Variants in DLGAP1 observed in about 807,000 individuals in gnomAD.
DLGAP1 encodes the protein disks large-associated protein 1.
DLGAP1 carries 11 observed loss-of-function variants against 90.8 expected under a neutral mutation model. The ratio of observed to expected loss-of-function variants is 0.12; its 90% CI spans 0.08 to 0.20. DLGAP1 has a LOEUF of 0.20. DLGAP1 is among the 10% of genes least tolerant of loss of function. The pLI, the probability that DLGAP1 is intolerant of heterozygous loss-of-function variation, is 1.00. For missense variants in DLGAP1, 1,050 were observed against 1,333.8 expected (o/e 0.79, Z 3.31); for synonymous variants, 558 against 540.7 (o/e 1.03, Z -0.44).
At chr18:4,308,086 T>C (rs1268865967) in intron 1 of DLGAP1, among the ~76,000 whole-genome samples, 1 of 152,166 alleles carries the variant, frequency 6.6e-6, no homozygotes, top group Non-Finnish European at 1.5e-5. Context: ...TACCACAAAC[T>C]GATGAGCAAG....
chr18:4,144,044 T>C (rs1398924128), intron 2 of DLGAP1, among the ~76,000 whole-genome samples: 2 of 152,078 alleles, frequency 1.3e-5, no homozygotes. Flanking sequence ...AAGTCTCTCT[T>C]AGGGTGTGAG....
intron 7 of DLGAP1, among the ~76,000 whole-genome samples, chr18:3,596,089 G>A (rs2056558434): frequency 6.6e-6 from 1 of 152,112 alleles, no homozygotes; most frequent in Admixed American, 6.5e-5. Flanking sequence ...GGGCAGACTG[G>A]GTCTTGTTGA....
chr18:4,150,376 T>C (rs554312633), intron 2 of DLGAP1, among the ~76,000 whole-genome samples: 2 of 152,244 alleles, frequency 1.3e-5, no homozygotes, highest in African/African-American at 2.4e-5. Flanking sequence ...AGGGTTTTCA[T>C]TGCCTTTCTT....
intron 10 of DLGAP1, among the ~76,000 whole-genome samples, chr18:3,523,789 A>C (rs532284042): frequency 6.6e-6 from 1 of 151,560 alleles, no homozygotes; most frequent in South Asian, 2.1e-4. Flanking sequence ...CGGAGCTTGC[A>C]GTGAGCTGAG....
chr18:4,403,259 C>A (rs1368345477), intron 1 of DLGAP1, among the ~76,000 whole-genome samples: 1 of 152,260 alleles, frequency 6.6e-6, no homozygotes, highest in African/African-American at 2.4e-5. Flanking sequence ...AAACCAAGTA[C>A]TGAAGTTCCA....
chr18:3,564,349 G>A (rs1196651470), intron 9 of DLGAP1, among the ~76,000 whole-genome samples: 2 of 152,068 alleles, frequency 1.3e-5, no homozygotes, highest in Non-Finnish European at 2.9e-5. Flanking sequence ...CCTGAAGGGG[G>A]CTGAGGTTGG....
At chr18:3,997,880 T>C (rs2074102156) in intron 3 of DLGAP1, among the ~76,000 whole-genome samples, 1 of 152,154 alleles carries the variant, frequency 6.6e-6, no homozygotes, top group Non-Finnish European at 1.5e-5. Context: ...CTATCTGGTG[T>C]GTATTTTACG....
intron 10 of DLGAP1, among the ~76,000 whole-genome samples, chr18:3,523,600 C>T (rs1407144805): frequency 6.6e-6 from 1 of 151,946 alleles, no homozygotes; most frequent in Non-Finnish European, 1.5e-5. Flanking sequence ...GTAATCCCAG[C>T]ACTTTGGGAG....
chr18:3,590,915 CTT>C (rs778061173), intron 7 of DLGAP1, among the ~76,000 whole-genome samples: 1 of 151,472 alleles, frequency 6.6e-6, no homozygotes, highest in African/African-American at 2.4e-5. Flanking sequence ...TGTTTAGAAA[CTT>C]TTATAGCAAT....
At position 4,234,793 on chromosome 18, in the gene DLGAP1, G is replaced by A. The variant is rs113124465; in HGVS notation, c.-266-83506C>T. On this transcript the variant is annotated intron_variant, in intron 1 of 12. Coordinates refer to ENST00000315677, the MANE Select transcript of DLGAP1 (RefSeq NM_004746.4). Reference sequence around the variant, plus strand: ...TCTCACTACACCCATTTCAACTCACGGCAATTTGGATAGATGCTGACGTTC... The same window carrying A: ...TCTCACTACACCCATTTCAACTCACAGCAATTTGGATAGATGCTGACGTTC... Among the ~76,000 whole-genome samples the A allele has an allele frequency of 5.3e-3, 800 of 152,132 alleles. 7 individuals carry two copies. Among genetic ancestry groups the A allele is most frequent in the African/African-American group, 0.018 (756 of 41,496 alleles).
intron 2 of DLGAP1, among the ~76,000 whole-genome samples, chr18:4,142,454 C>T (rs965895461): frequency 4.6e-5 from 7 of 152,176 alleles, no homozygotes; most frequent in Non-Finnish European, 1.0e-4. Context: ...ACAGCCTCAT[C>T]TGTAAGATTC....
At chr18:4,022,408 TACACACACACACACACC>T (rs1568356517) in intron 2 of DLGAP1, among the ~76,000 whole-genome samples, 1 of 149,092 alleles carries the variant, frequency 6.7e-6, no homozygotes, top group Non-Finnish European at 1.5e-5. Flanking sequence ...TTCTACCTTT[TACACACACACACACACC>T]ACACACACAC....
rs192463340 is a variant in DLGAP1, at chr18:3,565,632, C to T, written c.2057+1858G>A. Among the ~76,000 whole-genome samples, 1 of 151,870 alleles carries T rather than the reference C, an allele frequency of 6.6e-6. No homozygotes were observed. Among genetic ancestry groups the T allele is most frequent in the Non-Finnish European group, 1.5e-5 (1 of 67,968 alleles). On this transcript the variant is annotated intron_variant, in intron 9 of 12. Coordinates refer to ENST00000315677, the MANE Select transcript of DLGAP1 (RefSeq NM_004746.4). The surrounding 1 kb of genome is among the most constrained non-coding windows in gnomAD (Gnocchi z 4.0). ...GGGTGGATCACAAGGTCAAGATGAT[C>T]GAAACCATCCTGGCCAACATGGTGA...
At chr18:4,327,064 G>C (rs1399015312) in intron 1 of DLGAP1, among the ~76,000 whole-genome samples, 2 of 147,570 alleles carry the variant, frequency 1.4e-5, no homozygotes, top group Non-Finnish European at 1.5e-5. Context: ...TGGGAATGAA[G>C]GAATGAAAAA....
chr18:3,879,508 C>G lies in DLGAP1; in HGVS notation c.561G>C (p.Arg187=). ...RYGKRSKSKE[R]RAEPKARPST... ...TGGGCCGGGCCTTGGGCTCCGCGCG[C>G]CGCTCCTTGCTCTTGCTGCGTTTGC... Residue 187 remains arginine (R), a synonymous_variant, in exon 4 of 13, where the codon CGG becomes CGC. Transcript: ENST00000315677. This position sits in a 1 kb window ranked among gnomAD's most constrained non-coding sequence, Gnocchi z 6.6. 4 of 1,602,994 alleles carry G rather than the reference C, an allele frequency of 2.5e-6. No individual in the cohort carries two copies. The highest frequency in any genetic ancestry group is 3.4e-6 in the Non-Finnish European group (4 of 1,179,566).
chr18:3,585,713 G>A lies in DLGAP1; in HGVS notation c.1592-3465C>T, dbSNP rs138363454. On this transcript the variant is annotated intron_variant, in intron 7 of 12. Coordinates refer to ENST00000315677, the MANE Select transcript of DLGAP1 (RefSeq NM_004746.4). Reference sequence around the variant, plus strand: ...CATCCCAGCGTTTTGGGAGACTATGGTGGGAGGACTGCTTGAGTCCAGGAG... The same window carrying A: ...CATCCCAGCGTTTTGGGAGACTATGATGGGAGGACTGCTTGAGTCCAGGAG... Among the ~76,000 whole-genome samples, 1,036 of 152,246 alleles carry A rather than the reference G, an allele frequency of 6.8e-3. 14 individuals carry two copies. The highest frequency in any genetic ancestry group is 0.024 in the African/African-American group (990 of 41,532).
chr18:4,008,547 T>C (rs1185788950), intron 2 of DLGAP1, among the ~76,000 whole-genome samples: 4 of 152,194 alleles, frequency 2.6e-5, no homozygotes, highest in Admixed American at 6.5e-5. Flanking sequence ...CAGTTGGATA[T>C]AAATGGCTTC....
intron 2 of DLGAP1, among the ~76,000 whole-genome samples, chr18:4,076,630 A>T (rs141934986): frequency 0.034 from 5,169 of 151,510 alleles, 112 homozygotes; most frequent in Non-Finnish European, 0.044. Context: ...TATTATTATT[A>T]TTATTTTTCT....
rs113953477 is a variant in DLGAP1, at chr18:3,984,485, C to T, written c.-73+20631G>A. ...GCTTCACTTGTCTGTTCTGACAGCACTCTAAGCTCCAGGTGTCTAAAATAA... is the reference window on the plus strand; with the variant it reads ...GCTTCACTTGTCTGTTCTGACAGCATTCTAAGCTCCAGGTGTCTAAAATAA... On this transcript the variant is annotated intron_variant, in intron 3 of 12. Coordinates refer to ENST00000315677, the MANE Select transcript of DLGAP1 (RefSeq NM_004746.4). 1.3e-3 allele frequency among the ~76,000 whole-genome samples: 199 copies of T among 152,310 alleles called. 2 individuals carry two copies. Among genetic ancestry groups the T allele is most frequent in the African/African-American group, 4.6e-3 (191 of 41,582 alleles).
Sources: allele counts gnomAD v4.1 joint callset (sites outside exome capture counted in the v4.1 genomes callset), GRCh38; gene constraint gnomAD v4.1.1; non-coding constraint Gnocchi (gnomAD v3.1); transcripts MANE v1.5; gene names NCBI Gene and HGNC (gene_info 2026-07-23, HGNC 2026-07-21).